The following CACNA2D3 variants were observed in gnomAD, a reference collection of about 807,000 sequenced individuals.
CACNA2D3 encodes calcium voltage-gated channel auxiliary subunit alpha2delta 3.
Under a neutral mutation model 160.6 loss-of-function variants are expected in CACNA2D3, and 60 were observed. The ratio of observed to expected loss-of-function variants is 0.37; its 90% CI spans 0.30 to 0.46. The LOEUF is 0.46. Among genes scored for constraint, CACNA2D3 ranks in the 20% least tolerant of loss-of-function variants. The pLI, the probability that CACNA2D3 is intolerant of heterozygous loss-of-function variation, is 1.00. For synonymous variants in CACNA2D3, 558 were observed against 492.9 expected (o/e 1.13, Z -1.75); for missense variants, 1,205 against 1,365.0 (o/e 0.88, Z 1.85).
chr3:54,700,622 G>A (rs760849840), intron 11 of CACNA2D3, among the ~76,000 whole-genome samples: 12 of 152,138 alleles, frequency 7.9e-5, no homozygotes, highest in Non-Finnish European at 1.8e-4. Flanking sequence ...TAATATGTAT[G>A]GTTATAGCCT....
intron 13 of CACNA2D3, among the ~76,000 whole-genome samples, chr3:54,774,723 C>T (rs1702393426): frequency 6.8e-6 from 1 of 146,718 alleles, no homozygotes; most frequent in Non-Finnish European, 1.5e-5. Flanking sequence ...CAACTTCTGC[C>T]TCCTGAGTTC....
At chr3:54,522,746 C>T (rs1045988570) in intron 5 of CACNA2D3, among the ~76,000 whole-genome samples, 3 of 152,050 alleles carry the variant, frequency 2.0e-5, no homozygotes, top group African/African-American at 4.8e-5. Flanking sequence ...GGAACTCACT[C>T]CTGCAGCAAA....
intron 9 of CACNA2D3, among the ~76,000 whole-genome samples, chr3:54,602,497 C>CA (rs1156290031): frequency 0.11 from 7,317 of 68,924 alleles, 470 homozygotes; most frequent in African/African-American, 0.24. Flanking sequence ...GATTCCATCT[C>CA]AAAAAAAAAA....
chr3:54,612,790 T>G (rs1698769587), intron 9 of CACNA2D3, among the ~76,000 whole-genome samples: 1 of 152,158 alleles, frequency 6.6e-6, no homozygotes, highest in South Asian at 2.1e-4. Context: ...TACCTGCTAA[T>G]CGCCCCATTT....
At position 54,811,465 on chromosome 3, in the gene CACNA2D3, C is replaced by CTTTTTTTT. The variant is rs71096451; in HGVS notation, c.1381-5345_1381-5338dup. Among the ~76,000 whole-genome samples the CTTTTTTTT allele has an allele frequency of 1.7e-4, 19 of 111,600 alleles. 1 individual carries two copies. Among genetic ancestry groups the CTTTTTTTT allele is most frequent in the East Asian group, 3.0e-4 (1 of 3,378 alleles). The allele number at this position is 111,600 out of a possible 152,430, so 73.2% of individuals were successfully genotyped here. ...GTGCTGATCCTGTTCTCCCTCAGTT[C>CTTTTTTTT]TTTTTTTTTTTTTTTTTTTTTTTTT... On this transcript the variant is annotated intron_variant, in intron 13 of 37. Coordinates refer to ENST00000474759, the MANE Select transcript of CACNA2D3 (RefSeq NM_018398.3).
At chr3:54,559,943 G>C (rs56013701) in intron 5 of CACNA2D3, among the ~76,000 whole-genome samples, 34,684 of 152,102 alleles carry the variant, frequency 0.23, 4,393 homozygotes, top group Non-Finnish European at 0.28. Context: ...TTTTATGGCT[G>C]CATAGTATTT....
intron 2 of CACNA2D3, among the ~76,000 whole-genome samples, chr3:54,149,334 C>T (rs1219761436): frequency 2.0e-5 from 3 of 151,552 alleles, no homozygotes; most frequent in Admixed American, 6.6e-5. Flanking sequence ...TAAATCTATG[C>T]TACCTCCACC....
At chr3:54,227,682 G>A (rs937529883) in intron 2 of CACNA2D3, among the ~76,000 whole-genome samples, 13 of 152,048 alleles carry the variant, frequency 8.5e-5, no homozygotes, top group African/African-American at 2.9e-4. Context: ...AGCCTCCCGA[G>A]TAGCTGGGAT....
intron 16 of CACNA2D3, among the ~76,000 whole-genome samples, chr3:54,841,568 G>C (rs1698820369): frequency 6.6e-6 from 1 of 152,212 alleles, no homozygotes; most frequent in Admixed American, 6.5e-5. Context: ...CCAGGGAACA[G>C]AGTTCAGGTC....
chr3:54,665,420 C>T (rs1461201001), intron 11 of CACNA2D3, among the ~76,000 whole-genome samples: 2 of 152,170 alleles, frequency 1.3e-5, no homozygotes, highest in East Asian at 1.9e-4. Context: ...CTCCAGGGTT[C>T]GCCTTCTTGC....
intron 12 of CACNA2D3, among the ~76,000 whole-genome samples, 160 bp downstream of exon 12, chr3:54,752,837 G>GT (rs34310780): frequency 0.42 from 60,670 of 143,976 alleles, 13,756 homozygotes; most frequent in Non-Finnish European, 0.5. Context: ...TCCAAATTAT[G>GT]TTTTTTTTTT....
At chr3:54,522,224 G>A (rs182073064) in intron 5 of CACNA2D3, among the ~76,000 whole-genome samples, 1 of 152,008 alleles carries the variant, frequency 6.6e-6, no homozygotes, top group East Asian at 1.9e-4. Flanking sequence ...TTTCTCAACA[G>A]TTTTGTAGTT....
chr3:54,611,835 G>A (rs1698754759), intron 9 of CACNA2D3, among the ~76,000 whole-genome samples: 1 of 152,136 alleles, frequency 6.6e-6, no homozygotes, highest in Admixed American at 6.5e-5. Flanking sequence ...ATCGCATATT[G>A]GAGTTATGTG....
At chr3:54,323,681 T>A (rs1195561158) in intron 3 of CACNA2D3, among the ~76,000 whole-genome samples, 1 of 152,176 alleles carries the variant, frequency 6.6e-6, no homozygotes, top group East Asian at 1.9e-4. Flanking sequence ...TTAGCCAGGA[T>A]GGTCTCGATC....
intron 5 of CACNA2D3, 106 bp from the exon 6 acceptor site, chr3:54,562,694 A>C (rs541025887): frequency 2.1e-6 from 2 of 940,768 alleles, no homozygotes; most frequent in Non-Finnish European, 3.2e-6. Context: ...GCCTCCTGCA[A>C]GATGGAGTAC....
chr3:54,739,849 A>G (rs879404281), intron 11 of CACNA2D3, among the ~76,000 whole-genome samples: 3 of 152,038 alleles, frequency 2.0e-5, no homozygotes, highest in Non-Finnish European at 2.9e-5. Context: ...TTAGTTTTAT[A>G]TATGTATAAA....
intron 4 of CACNA2D3, among the ~76,000 whole-genome samples, chr3:54,475,363 G>A (rs146991421): frequency 1.3e-5 from 2 of 152,184 alleles, no homozygotes; most frequent in East Asian, 1.9e-4. Context: ...TATCTCCCTG[G>A]GCAAAAGCAA....
chr3:54,850,247 A>G (rs973386955), intron 17 of CACNA2D3, among the ~76,000 whole-genome samples: 2 of 152,200 alleles, frequency 1.3e-5, no homozygotes, highest in Admixed American at 6.5e-5. Flanking sequence ...AGACTGATGA[A>G]GTAATCTTCA....
Position 55,065,440 on chromosome 3 carries a change from T to C in CACNA2D3, c.2988-8005T>C, listed in dbSNP as rs1434575335. Among the ~76,000 whole-genome samples the C allele has an allele frequency of 5.3e-5, 8 of 152,214 alleles. No homozygotes were observed. The East Asian group carries it at 1.3e-3, about 26-fold the overall frequency. On this transcript the variant is annotated intron_variant, in intron 35 of 37. Transcript: ENST00000474759. ...AAACGGGCCTGCCTTTTGTCTGCCA[T>C]GTGAACACTGGTCAGGGCCTACCCA...
Sources: allele counts gnomAD v4.1 joint callset (sites outside exome capture counted in the v4.1 genomes callset), GRCh38; gene constraint gnomAD v4.1.1; transcripts MANE v1.5; gene names NCBI Gene and HGNC (gene_info 2026-07-23, HGNC 2026-07-21).